MAGI2: variants seen among roughly 807,000 people sequenced by gnomAD.
The protein encoded by MAGI2 is membrane associated guanylate kinase, WW and PDZ domain containing 2.
MAGI2 carries 35 observed loss-of-function variants against 133.3 expected under a neutral mutation model. The ratio of observed to expected loss-of-function variants is 0.26; its 90% CI spans 0.20 to 0.35. The LOEUF is 0.35. MAGI2 is among the 10% of genes least tolerant of loss of function. MAGI2 has a pLI of 1.00. For synonymous variants in MAGI2, 729 were observed against 710.6 expected, an observed-to-expected ratio of 1.03 and a Z score of -0.41; for missense variants, 1,636 against 1,863.4, an observed-to-expected ratio of 0.88 and a Z score of 2.25.
intron 1 of MAGI2, among the ~76,000 whole-genome samples, chr7:79,032,929 T>A (rs1357940487): frequency 6.6e-6 from 1 of 151,000 alleles, no homozygotes; most frequent in Non-Finnish European, 1.5e-5. Context: ...ATTCATTTAC[T>A]GTGACAAATT....
At position 78,519,327 on chromosome 7, in the gene MAGI2, G is replaced by A. The variant is rs74840741; in HGVS notation, c.754+2103C>T. 6.1e-3 allele frequency among the ~76,000 whole-genome samples: 927 copies of A among 152,090 alleles called. 9 individuals carry two copies. The highest frequency in any genetic ancestry group is 0.022 in the African/African-American group (896 of 41,478). ...ACCATTTTTTGGTTTGAGACTGTTC[G>A]GCTCATTTTTGAACAGTGGGTGAAG... On this transcript the variant is annotated intron_variant, in intron 4 of 21. Transcript: ENST00000354212.
At chr7:79,154,989 T>C (rs1376881340) in intron 1 of MAGI2, among the ~76,000 whole-genome samples, 2 of 152,216 alleles carry the variant, frequency 1.3e-5, no homozygotes, top group Non-Finnish European at 2.9e-5. Context: ...TTTGTTCCAC[T>C]TGTGGAAAGG....
At chr7:79,331,946 T>TAAA (rs56251920) in intron 1 of MAGI2, among the ~76,000 whole-genome samples, 2 of 146,218 alleles carry the variant, frequency 1.4e-5, no homozygotes, top group African/African-American at 5.3e-5. Flanking sequence ...TAAAGTATAA[T>TAAA]AAAAAAAAAA....
At chr7:78,245,250 A>G (rs978559073) in intron 10 of MAGI2, among the ~76,000 whole-genome samples, 2 of 152,248 alleles carry the variant, frequency 1.3e-5, no homozygotes, top group African/African-American at 4.8e-5. Context: ...ATAAATGTAA[A>G]AAACAAACTA....
intron 4 of MAGI2, among the ~76,000 whole-genome samples, chr7:78,520,956 T>C (rs1796443063): frequency 6.6e-6 from 1 of 152,144 alleles, no homozygotes; most frequent in African/African-American, 2.4e-5. Flanking sequence ...ATTATATTCA[T>C]TGAAGTTGTA....
chr7:78,670,081 G>T (rs961350781), intron 2 of MAGI2, among the ~76,000 whole-genome samples: 7 of 151,574 alleles, frequency 4.6e-5, no homozygotes, highest in Admixed American at 1.3e-4. Context: ...GGGCAATTAG[G>T]CAGGAGAAGG....
intron 1 of MAGI2, among the ~76,000 whole-genome samples, chr7:79,189,388 T>A (rs1827455372): frequency 6.6e-6 from 1 of 150,982 alleles, no homozygotes; most frequent in Admixed American, 6.6e-5. Flanking sequence ...TGGGAATAAA[T>A]CTGTGTCTAC....
chr7:79,402,315 C>G (rs568662220), intron 1 of MAGI2, among the ~76,000 whole-genome samples: 1 of 152,152 alleles, frequency 6.6e-6, no homozygotes, highest in African/African-American at 2.4e-5. Flanking sequence ...ATCTCATCTA[C>G]TTTGGTCCTC....
At chr7:78,842,807 A>G (rs769999539) in intron 2 of MAGI2, among the ~76,000 whole-genome samples, 8 of 151,866 alleles carry the variant, frequency 5.3e-5, no homozygotes, top group Non-Finnish European at 1.2e-4. Flanking sequence ...CAAAATCTAA[A>G]TTTCATTTTT....
Position 78,959,958 on chromosome 7 carries a change from T to C in MAGI2, c.418+47132A>G, listed in dbSNP as rs538377723. Among the ~76,000 whole-genome samples the C allele has an allele frequency of 1.2e-4, 19 of 152,264 alleles. 1 individual carries two copies. In the South Asian group the frequency reaches 3.9e-3, roughly 32 times the overall value. ...TAACCCAGTATGGCTAATTTCAATA[T>C]GTAACATGGCCTGCCTATGTAGAAA... On this transcript the variant is annotated intron_variant, in intron 2 of 21. Transcript: ENST00000354212.
At chr7:78,431,701 T>A (rs1305862531) in intron 6 of MAGI2, among the ~76,000 whole-genome samples, 3 of 152,110 alleles carry the variant, frequency 2.0e-5, no homozygotes, top group Non-Finnish European at 2.9e-5. Flanking sequence ...CATTTTGTTG[T>A]GACCTGAAAC....
chr7:79,326,868 T>A (rs1432749207), intron 1 of MAGI2, among the ~76,000 whole-genome samples: 1 of 152,110 alleles, frequency 6.6e-6, no homozygotes, highest in African/African-American at 2.4e-5. Context: ...ATGATGACGA[T>A]AAATACTAGG....
intron 1 of MAGI2, among the ~76,000 whole-genome samples, chr7:79,130,372 C>T (rs1231239081): frequency 6.6e-6 from 1 of 152,034 alleles, no homozygotes; most frequent in Non-Finnish European, 1.5e-5. Context: ...TTTATTTTTG[C>T]CTTTTCCTGG....
At chr7:78,181,076 T>C (rs1827148093) in intron 13 of MAGI2, among the ~76,000 whole-genome samples, 2 of 152,146 alleles carry the variant, frequency 1.3e-5, no homozygotes, top group Non-Finnish European at 2.9e-5. Flanking sequence ...TTTTCCTTCC[T>C]GCTTTGTTAG....
chr7:78,680,244 T>C (rs1815499259), intron 2 of MAGI2, among the ~76,000 whole-genome samples: 2 of 152,162 alleles, frequency 1.3e-5, no homozygotes, highest in Admixed American at 1.3e-4. Flanking sequence ...GATTAATGTT[T>C]ATGTGCATAA....
chr7:79,325,518 C>T (rs2129085396), intron 1 of MAGI2, among the ~76,000 whole-genome samples: 1 of 152,194 alleles, frequency 6.6e-6, no homozygotes, highest in South Asian at 2.1e-4. Flanking sequence ...AGTTATGGTG[C>T]AAAGCATGAG....
rs537297063 is a variant in MAGI2, at chr7:79,230,333, T to C, written c.301+222687A>G. ...GTAATGGGATGGCTGAGTCAAATGGTATTTCTAGTTCTAGATCCCTGAGGA... is the reference window on the plus strand; with the variant it reads ...GTAATGGGATGGCTGAGTCAAATGGCATTTCTAGTTCTAGATCCCTGAGGA... On this transcript the variant is annotated intron_variant, in intron 1 of 21. Transcript: ENST00000354212. Among the ~76,000 whole-genome samples, 6 of 152,184 alleles carry C rather than the reference T, an allele frequency of 3.9e-5. No individual in the cohort carries two copies. In the East Asian group the frequency reaches 1.2e-3, roughly 30 times the overall value.
chr7:78,432,350 A>G (rs1298626426), intron 6 of MAGI2, among the ~76,000 whole-genome samples: 1 of 152,106 alleles, frequency 6.6e-6, no homozygotes, highest in Non-Finnish European at 1.5e-5. Flanking sequence ...GTAAGGCTGT[A>G]CAATTAAAAC....
chr7:79,128,843 C>T (rs999293648), intron 1 of MAGI2, among the ~76,000 whole-genome samples: 3 of 152,164 alleles, frequency 2.0e-5, no homozygotes, highest in Admixed American at 2.0e-4. Flanking sequence ...ATTAATACAT[C>T]TAACATACTA....
Sources: allele counts gnomAD v4.1 joint callset (sites outside exome capture counted in the v4.1 genomes callset), GRCh38; gene constraint gnomAD v4.1.1; transcripts MANE v1.5; gene names NCBI Gene and HGNC (gene_info 2026-07-23, HGNC 2026-07-21).